The following WIPF3 variants were observed in gnomAD, a reference collection of about 807,000 sequenced individuals.
The protein encoded by WIPF3 is WAS/WASL-interacting protein family member 3.
In WIPF3, 33 loss-of-function variants were observed where a neutral mutation model predicts 38.9. That is an observed-to-expected ratio of 0.85 (90% CI 0.64 to 1.14). WIPF3 has a LOEUF of 1.14. Among genes scored for constraint, WIPF3 ranks in the 50% most tolerant of loss-of-function variants. The probability of loss-of-function intolerance (pLI) is 0.00; values close to 1 mark genes in which losing one functional copy is unlikely to be tolerated. For synonymous variants in WIPF3, 324 were observed against 269.3 expected (o/e 1.20, Z -1.99); for missense variants, 711 against 652.5 (o/e 1.09, Z -0.98).
At chr7:29,829,896 T>C (rs1784689421) in intron 1 of WIPF3, among the ~76,000 whole-genome samples, 1 of 152,208 alleles carries the variant, frequency 6.6e-6, no homozygotes, top group Admixed American at 6.5e-5. Flanking sequence ...TGGGAGAAAG[T>C]ATAAAAGCCT....
At chr7:29,843,357 G>A (rs999115203) in intron 2 of WIPF3, among the ~76,000 whole-genome samples, 1 of 152,174 alleles carries the variant, frequency 6.6e-6, no homozygotes, top group Non-Finnish European at 1.5e-5. Context: ...AGGAGGCAGC[G>A]ATTACAGACT....
chr7:29,859,568 T>TA (rs1583606638), intron 2 of WIPF3, among the ~76,000 whole-genome samples: 2 of 152,264 alleles, frequency 1.3e-5, no homozygotes, highest in African/African-American at 4.8e-5. Flanking sequence ...GCATGAGGAA[T>TA]ACAGCAGAGA....
intron 8 of WIPF3, among the ~76,000 whole-genome samples, chr7:29,907,562 G>T (rs1344620476): frequency 6.6e-6 from 1 of 151,958 alleles, no homozygotes; most frequent in Non-Finnish European, 1.5e-5. Flanking sequence ...TTGGGCCTTT[G>T]GGGAGGTGAT....
At chr7:29,895,215 G>T (rs1786112336) in intron 7 of WIPF3, among the ~76,000 whole-genome samples, 1 of 152,024 alleles carries the variant, frequency 6.6e-6, no homozygotes, top group South Asian at 2.1e-4. Context: ...TGTTGGGTGG[G>T]TGAGCCACCG....
At chr7:29,839,582 A>T (rs1327235221) in intron 2 of WIPF3, among the ~76,000 whole-genome samples, 2 of 152,204 alleles carry the variant, frequency 1.3e-5, no homozygotes, top group East Asian at 3.9e-4. Flanking sequence ...AAGCAATCAG[A>T]CACATGCAGA....
At chr7:29,814,576 A>G (rs1021901009) in intron 1 of WIPF3, among the ~76,000 whole-genome samples, 1 of 152,118 alleles carries the variant, frequency 6.6e-6, no homozygotes. Context: ...GATCAAATTC[A>G]CTTGGGTTGG....
At chr7:29,829,581 G>A (rs1318568591) in intron 1 of WIPF3, among the ~76,000 whole-genome samples, 1 of 152,200 alleles carries the variant, frequency 6.6e-6, no homozygotes, top group East Asian at 1.9e-4. Context: ...CCACGTATGT[G>A]TCAGGACGTG....
chr7:29,816,502 A>AT (rs1784460888), intron 1 of WIPF3, among the ~76,000 whole-genome samples: 1 of 151,588 alleles, frequency 6.6e-6, no homozygotes, highest in Non-Finnish European at 1.5e-5. Flanking sequence ...ATTTTATTTT[A>AT]TTTTTTAGTA....
intron 2 of WIPF3, among the ~76,000 whole-genome samples, chr7:29,858,101 A>G (rs1435514300): frequency 3.9e-5 from 6 of 152,200 alleles, no homozygotes; most frequent in African/African-American, 1.2e-4. Flanking sequence ...CATATTACAT[A>G]GCCATATTTT....
intron 1 of WIPF3, among the ~76,000 whole-genome samples, chr7:29,822,339 T>C (rs1350105213): frequency 6.6e-6 from 1 of 152,158 alleles, no homozygotes; most frequent in Non-Finnish European, 1.5e-5. Flanking sequence ...TAAGACTCAT[T>C]GAAATGCACA....
chr7:29,822,162 G>T (rs1237928855), intron 1 of WIPF3, among the ~76,000 whole-genome samples: 6 of 47,966 alleles, frequency 1.3e-4, no homozygotes, highest in Admixed American at 3.1e-4. Context: ...ATCTTATACT[G>T]GTTCTCTTTT....
chr7:29,822,120 TTA>T lies in WIPF3; in HGVS notation c.-57-12547_-57-12546del, dbSNP rs1784545643. Among the ~76,000 whole-genome samples the T allele has an allele frequency of 6.9e-5, 9 of 129,710 alleles. No individual in the cohort carries two copies. In the South Asian group the frequency reaches 2.1e-3, roughly 31 times the overall value. The allele number at this position is 129,710 out of a possible 152,430, so 85.1% of individuals were successfully genotyped here. A position where few individuals can be genotyped will look rare whatever the true frequency, so the allele number is the denominator to read the frequency against. ...TCCTATTCCTTTCCTTACTTTTTTC[TTA>T]GTTTTTTTTTTTTTTTTTTTTTGGT... On this transcript the variant is annotated intron_variant, in intron 1 of 8. Coordinates refer to ENST00000242140, the MANE Select transcript of WIPF3 (RefSeq NM_001080529.3).
intron 1 of WIPF3, among the ~76,000 whole-genome samples, chr7:29,813,684 C>T (rs976716729): frequency 1.1e-4 from 17 of 152,160 alleles, no homozygotes; most frequent in Admixed American, 3.9e-4. Flanking sequence ...CTATAATTCA[C>T]ATACCATAAG....
intron 8 of WIPF3, among the ~76,000 whole-genome samples, chr7:29,907,836 C>T (rs962136516): frequency 1.3e-5 from 2 of 152,098 alleles, no homozygotes; most frequent in African/African-American, 4.8e-5. Context: ...AAGACTAAGA[C>T]ACCATGGTAA....
intron 1 of WIPF3, among the ~76,000 whole-genome samples, chr7:29,828,617 G>C (rs1016080254): frequency 6.6e-6 from 1 of 152,182 alleles, no homozygotes. Flanking sequence ...GGCCAATACT[G>C]GGCTCGTATT....
chr7:29,813,582 A>G (rs564649993), intron 1 of WIPF3, among the ~76,000 whole-genome samples: 3 of 152,292 alleles, frequency 2.0e-5, no homozygotes, highest in South Asian at 4.1e-4. Context: ...AAACTATTTT[A>G]TATTTCTATT....
chr7:29,845,407 T>A (rs1001776340), intron 2 of WIPF3, among the ~76,000 whole-genome samples: 1 of 152,224 alleles, frequency 6.6e-6, no homozygotes, highest in Non-Finnish European at 1.5e-5. Flanking sequence ...ACAAAATTAC[T>A]AAGTCTCTGC....
At chr7:29,874,177 C>T (rs1785546006) in intron 2 of WIPF3, among the ~76,000 whole-genome samples, 1 of 151,830 alleles carries the variant, frequency 6.6e-6, no homozygotes, top group Non-Finnish European at 1.5e-5. Flanking sequence ...TGCGTATGCC[C>T]TTAAGAGCAA....
intron 2 of WIPF3, among the ~76,000 whole-genome samples, chr7:29,842,717 A>C (rs923812049): frequency 3.3e-5 from 5 of 152,188 alleles, no homozygotes; most frequent in African/African-American, 4.8e-5. Flanking sequence ...CTGAAGTCTC[A>C]TGAGAGCTTT....
Sources: gnomAD v4.1 joint callset for allele counts (sites outside exome capture counted in the v4.1 genomes callset) on GRCh38, gnomAD v4.1.1 for gene constraint, MANE v1.5 for transcripts, NCBI Gene and HGNC (gene_info 2026-07-23, HGNC 2026-07-21) for gene names.